Variants in RBFOX1 observed in about 807,000 individuals in gnomAD.
RBFOX1 encodes RNA binding protein fox-1 homolog 1.
A neutral mutation model predicts 57.7 loss-of-function variants in RBFOX1; 8 were observed. That is an observed-to-expected ratio of 0.14 (90% confidence interval 0.08 to 0.25). RBFOX1 has a LOEUF of 0.25. RBFOX1 is among the 10% of genes least tolerant of loss of function. The pLI is 1.00. For synonymous variants in RBFOX1, 326 were observed against 222.4 expected (o/e 1.47, Z -4.15); for missense variants, 611 against 548.5 (o/e 1.11, Z -1.14).
chr16:7,450,599 G>A (rs1265594881), intron 4 of RBFOX1, among the ~76,000 whole-genome samples: 1 of 152,102 alleles, frequency 6.6e-6, no homozygotes, highest in African/African-American at 2.4e-5. Context: ...GAGCGTTAAT[G>A]TGACATCTGG....
At chr16:6,872,070 C>A (rs1027667087) in intron 3 of RBFOX1, among the ~76,000 whole-genome samples, 1 of 151,838 alleles carries the variant, frequency 6.6e-6, no homozygotes, top group African/African-American at 2.4e-5. Context: ...CAGTTACATA[C>A]CCTTCTTTGT....
At chr16:6,070,676 A>G (rs1196991001) in intron 1 of RBFOX1, among the ~76,000 whole-genome samples, 1 of 151,498 alleles carries the variant, frequency 6.6e-6, no homozygotes, top group East Asian at 2.0e-4. Context: ...TAAAAAAAAA[A>G]TTCCTGGAAA....
intron 4 of RBFOX1, among the ~76,000 whole-genome samples, chr16:7,382,852 T>A (rs2097802335): frequency 6.6e-6 from 1 of 152,224 alleles, no homozygotes; most frequent in South Asian, 2.1e-4. Context: ...CTACTTATAA[T>A]CGTGTAATGC....
chr16:5,448,411 A>G (rs908453138), intron 1 of RBFOX1, among the ~76,000 whole-genome samples: 1 of 152,248 alleles, frequency 6.6e-6, no homozygotes, highest in African/African-American at 2.4e-5. Flanking sequence ...AGGGCTGTTC[A>G]TTGAAATATA....
intron 5 of RBFOX1, among the ~76,000 whole-genome samples, chr16:7,540,262 A>T (rs2152458281): frequency 6.6e-6 from 1 of 151,676 alleles, no homozygotes; most frequent in East Asian, 1.9e-4. Context: ...CTCGCTGGAA[A>T]CTCCTTGGTC....
intron 4 of RBFOX1, among the ~76,000 whole-genome samples, chr16:7,413,588 C>G (rs1597820136): frequency 6.6e-6 from 1 of 151,794 alleles, no homozygotes; most frequent in Non-Finnish European, 1.5e-5. Flanking sequence ...TTTGCTGCCA[C>G]CCCCCTGCCC....
intron 2 of RBFOX1, among the ~76,000 whole-genome samples, chr16:6,473,778 G>A (rs746539266): frequency 6.6e-6 from 1 of 152,170 alleles, no homozygotes; most frequent in Non-Finnish European, 1.5e-5. Context: ...GCTAGAGGCT[G>A]TTTGCGTGGG....
At chr16:6,753,477 C>G (rs147565594) in intron 3 of RBFOX1, among the ~76,000 whole-genome samples, 246 of 152,290 alleles carry the variant, frequency 1.6e-3, no homozygotes, top group African/African-American at 5.6e-3. Context: ...GATCATCTTG[C>G]TATAACCCAG....
At chr16:7,034,947 C>A (rs868110635) in intron 3 of RBFOX1, among the ~76,000 whole-genome samples, 1 of 146,572 alleles carries the variant, frequency 6.8e-6, no homozygotes, top group African/African-American at 2.5e-5. Flanking sequence ...CTCCCCGGTT[C>A]TATCGATTCT....
intron 5 of RBFOX1, among the ~76,000 whole-genome samples, chr16:7,527,916 C>A (rs1424618736): frequency 2.0e-5 from 3 of 152,122 alleles, no homozygotes; most frequent in African/African-American, 7.2e-5. Context: ...GTTTCAAGTG[C>A]CAAACTAAAA....
intron 4 of RBFOX1, among the ~76,000 whole-genome samples, chr16:7,282,201 C>A (rs2095558603): frequency 6.6e-6 from 1 of 152,084 alleles, no homozygotes; most frequent in Admixed American, 6.5e-5. Context: ...CAGAATCCAC[C>A]ACTCACCGCC....
At chr16:7,394,000 C>G (rs2098092826) in intron 4 of RBFOX1, among the ~76,000 whole-genome samples, 2 of 151,956 alleles carry the variant, frequency 1.3e-5, no homozygotes, top group South Asian at 4.2e-4. Context: ...CTTTGGGAGT[C>G]CAAGGTGGGC....
At chr16:5,995,852 G>A (rs539655049) in intron 4 of RBFOX1, among the ~76,000 whole-genome samples, 16 of 152,236 alleles carry the variant, frequency 1.1e-4, no homozygotes, top group African/African-American at 3.6e-4. Flanking sequence ...TAACAAAATA[G>A]CATCAATGTG....
intron 3 of RBFOX1, among the ~76,000 whole-genome samples, chr16:5,644,801 T>G (rs1424690076): frequency 6.6e-6 from 1 of 152,208 alleles, no homozygotes; most frequent in Non-Finnish European, 1.5e-5. Context: ...TGATGGACAT[T>G]TGGGTTATTT....
chr16:6,984,379 C>T (rs1462379882), intron 3 of RBFOX1, among the ~76,000 whole-genome samples: 1 of 152,142 alleles, frequency 6.6e-6, no homozygotes, highest in East Asian at 1.9e-4. Context: ...AGCCTACATC[C>T]TACAGCACTA....
At chr16:6,290,526 C>T (rs1343982469) in intron 1 of RBFOX1, among the ~76,000 whole-genome samples, 1 of 152,180 alleles carries the variant, frequency 6.6e-6, no homozygotes, top group African/African-American at 2.4e-5. Context: ...TGAGGCATAG[C>T]AGTGATGTCC....
At chr16:5,616,186 C>T (rs958970809) in intron 3 of RBFOX1, 4 of 152,472 alleles carry the variant, frequency 2.6e-5, no homozygotes, top group Non-Finnish European at 5.9e-5. Context: ...GTCCCCTGGG[C>T]TGGCTTAACG....
At chr16:6,959,585 T>G (rs1260761257) in intron 3 of RBFOX1, among the ~76,000 whole-genome samples, 1 of 152,170 alleles carries the variant, frequency 6.6e-6, no homozygotes, top group Non-Finnish European at 1.5e-5. Context: ...CCCTCAAGGC[T>G]GAACAGGCAG....
chr16:5,318,372 A>G (rs958646692), intron 1 of RBFOX1, among the ~76,000 whole-genome samples: 3 of 151,916 alleles, frequency 2.0e-5, no homozygotes, highest in Admixed American at 2.0e-4. Context: ...CAAGTGATGC[A>G]CCCACCTTGG....
Sources: gnomAD v4.1 joint callset for allele counts (sites outside exome capture counted in the v4.1 genomes callset) on GRCh38, gnomAD v4.1.1 for gene constraint, MANE v1.5 for transcripts, NCBI Gene and HGNC (gene_info 2026-07-23, HGNC 2026-07-21) for gene names.